MAPK10: variants seen among roughly 807,000 people sequenced by gnomAD.
MAPK10 encodes JNK3 alpha protein kinase.
In MAPK10, 25 loss-of-function variants were observed where a neutral mutation model predicts 59.3. That is an observed-to-expected ratio of 0.42 (90% CI 0.31 to 0.59). MAPK10 has a LOEUF of 0.59. Among genes scored for constraint, MAPK10 ranks in the 20% least tolerant of loss-of-function variants. MAPK10 has a pLI of 0.15. For missense variants in MAPK10, 351 were observed against 568.9 expected (o/e 0.62, Z 3.90); for synonymous variants, 190 against 200.5 (o/e 0.95, Z 0.44).
At chr4:86,105,261 T>G (rs2056329972) in intron 5 of MAPK10, among the ~76,000 whole-genome samples, 1 of 152,134 alleles carries the variant, frequency 6.6e-6, no homozygotes, top group South Asian at 2.1e-4. Flanking sequence ...TTCTTATTAA[T>G]GCGAAATTTA....
At chr4:86,188,621 TC>T (rs2078868325) in intron 3 of MAPK10, among the ~76,000 whole-genome samples, 1 of 152,042 alleles carries the variant, frequency 6.6e-6, no homozygotes, top group African/African-American at 2.4e-5. Context: ...AAATTTAAGT[TC>T]TTTATAGATT....
chr4:86,125,714 A>G (rs2059968373), intron 4 of MAPK10: 1 of 152,104 alleles, frequency 6.6e-6, no homozygotes, highest in Non-Finnish European at 1.5e-5. Flanking sequence ...CTTCTTATAA[A>G]TCTACATGGC....
Position 86,070,197 on chromosome 4 carries a change from C to A in MAPK10, c.803-2242G>T, listed in dbSNP as rs117128998. 4.3e-3 allele frequency among the ~76,000 whole-genome samples: 654 copies of A among 152,118 alleles called. 31 individuals carry two copies. In the East Asian group the frequency reaches 0.1, roughly 24 times the overall value. On this transcript the variant is annotated intron_variant, in intron 9 of 13. Transcript: ENST00000641462. ...TACAGTGATCTTTAAAAGTCTGTGT[C>A]TTTATTTTAACCAATCCATTTCAAG... is the stretch of plus-strand genomic sequence containing the variant.
chr4:86,436,703 A>G (rs2149044687), intron 1 of MAPK10, among the ~76,000 whole-genome samples: 1 of 152,288 alleles, frequency 6.6e-6, no homozygotes, highest in Non-Finnish European at 1.5e-5. Context: ...TTGTGATATA[A>G]AGATATAATA....
At chr4:86,047,101 A>G (rs2042636995) in intron 11 of MAPK10, among the ~76,000 whole-genome samples, 1 of 152,034 alleles carries the variant, frequency 6.6e-6, no homozygotes, top group African/African-American at 2.4e-5. Context: ...AAACACTTGT[A>G]CCAAGGGCTG....
At chr4:86,040,123 C>T (rs1020605702) in intron 11 of MAPK10, among the ~76,000 whole-genome samples, 1 of 152,032 alleles carries the variant, frequency 6.6e-6, no homozygotes, top group African/African-American at 2.4e-5. Context: ...GCTGAGGTGA[C>T]ATAAACCACC....
intron 1 of MAPK10, among the ~76,000 whole-genome samples, chr4:86,488,893 T>C (rs1294795507): frequency 6.6e-6 from 1 of 152,206 alleles, no homozygotes; most frequent in African/African-American, 2.4e-5. Context: ...GAGATACCTT[T>C]TGAATCTGGG....
At chr4:86,026,794 C>G (rs1473246265) in intron 13 of MAPK10, 2 of 152,032 alleles carry the variant, frequency 1.3e-5, no homozygotes, top group African/African-American at 4.8e-5. Context: ...ACTTTTCAAA[C>G]TTTTTTTTAG....
chr4:86,568,982 AAAAC>A (rs1236108041), intron 1 of MAPK10, among the ~76,000 whole-genome samples: 4 of 152,214 alleles, frequency 2.6e-5, no homozygotes, highest in African/African-American at 9.6e-5. Flanking sequence ...TCTGCACAGC[AAAAC>A]AAACAATCAA....
chr4:86,018,483 T>C (rs985561031), intron 13 of MAPK10, among the ~76,000 whole-genome samples: 1 of 152,082 alleles, frequency 6.6e-6, no homozygotes, highest in Non-Finnish European at 1.5e-5. Flanking sequence ...CTTGAAAAAA[T>C]TGTTTATCTG....
intron 2 of MAPK10, among the ~76,000 whole-genome samples, chr4:86,320,804 T>A (rs1489629534): frequency 6.6e-6 from 1 of 152,170 alleles, no homozygotes; most frequent in Non-Finnish European, 1.5e-5. Context: ...AACGTTTAAG[T>A]CTTTAATCCA....
chr4:86,592,859 C>T (rs1029845347), intron 1 of MAPK10, among the ~76,000 whole-genome samples: 2 of 152,216 alleles, frequency 1.3e-5, no homozygotes, highest in African/African-American at 2.4e-5. Flanking sequence ...AGCAAACTTT[C>T]TCTTAGCTGC....
rs116203720 is a variant in MAPK10, at chr4:86,441,589, T to C, written c.-122+11441A>G. 8.9e-3 allele frequency among the ~76,000 whole-genome samples: 1,356 copies of C among 152,344 alleles called. 13 individuals carry two copies. The highest frequency in any genetic ancestry group is 0.015 in the Non-Finnish European group (1,035 of 68,032). On this transcript the variant is annotated intron_variant, in intron 1 of 13. Coordinates refer to the MAPK10 transcript ENST00000361569. ...TTTTGCTTAAAGCTAGAAACAAGCA[T>C]TTTCCTAAACATAAGGTATTTTCCA...
chr4:86,551,393 T>C (rs191022371), intron 1 of MAPK10, among the ~76,000 whole-genome samples: 69 of 152,354 alleles, frequency 4.5e-4, no homozygotes, highest in African/African-American at 1.6e-3. Flanking sequence ...CAATGCTTAA[T>C]TTTAACTAAG....
At chr4:86,317,552 A>T (rs2095812811) in intron 2 of MAPK10, among the ~76,000 whole-genome samples, 1 of 152,152 alleles carries the variant, frequency 6.6e-6, no homozygotes, top group South Asian at 2.1e-4. Context: ...ATCTACTATA[A>T]ATTCCTTTAG....
At chr4:86,224,998 C>G (rs2148651369) in intron 2 of MAPK10, among the ~76,000 whole-genome samples, 1 of 152,276 alleles carries the variant, frequency 6.6e-6, no homozygotes, top group East Asian at 1.9e-4. Flanking sequence ...GTTAACTGTT[C>G]TCAATTAGTG....
At chr4:86,336,099 G>T (rs1408127341) in intron 2 of MAPK10, among the ~76,000 whole-genome samples, 1 of 152,120 alleles carries the variant, frequency 6.6e-6, no homozygotes, top group Non-Finnish European at 1.5e-5. Flanking sequence ...ATTATAATTT[G>T]TATTAAAATC....
chr4:86,289,913 G>T (rs889628923), intron 2 of MAPK10, among the ~76,000 whole-genome samples: 4 of 152,156 alleles, frequency 2.6e-5, no homozygotes, highest in Admixed American at 6.6e-5. Context: ...TGTGAATAAT[G>T]ATGTCATTTC....
intron 2 of MAPK10, among the ~76,000 whole-genome samples, chr4:86,278,552 T>C (rs565310914): frequency 6.6e-6 from 1 of 152,124 alleles, no homozygotes; most frequent in Non-Finnish European, 1.5e-5. Flanking sequence ...GTAAAAAAAA[T>C]GAATAAAATT....
Sources: allele counts gnomAD v4.1 joint callset (sites outside exome capture counted in the v4.1 genomes callset), GRCh38; gene constraint gnomAD v4.1.1; transcripts MANE v1.5; gene names NCBI Gene and HGNC (gene_info 2026-07-23, HGNC 2026-07-21).